Variants in CEL observed in about 807,000 individuals in gnomAD.
CEL encodes the protein carboxyl ester lipase.
A neutral mutation model predicts 57.1 loss-of-function variants in CEL; 39 were observed. The ratio of observed to expected loss-of-function variants is 0.68; its 90% CI spans 0.53 to 0.89. The LOEUF is 0.89. Ranked by LOEUF, CEL falls within the 40% of genes least tolerant of loss-of-function variation. The pLI is 0.00. For missense variants in CEL, 698 were observed against 915.0 expected, an observed-to-expected ratio of 0.76 and a Z score of 3.06; for synonymous variants, 314 against 396.6, an observed-to-expected ratio of 0.79 and a Z score of 2.48.
chr9:133,071,678 C>T lies in CEL; in HGVS notation c.2176C>T (p.Pro726Ser), dbSNP rs199602144. ...PTGDSGAPPV[P>S]PTGDSEAAPV... Reference sequence around the variant, plus strand: ...GGGTGACTCCGGGGCCCCCCCTGTGCCCCCCACGGGTGACTCTGAGGCTGC... The same window carrying T: ...GGGTGACTCCGGGGCCCCCCCTGTGTCCCCCACGGGTGACTCTGAGGCTGC... The change falls in exon 11 of 11, where the codon CCC becomes TCC. Residue 726 changes from proline to serine, a missense_variant. Around this residue, in one of 6 missense-constraint regions of CEL, gnomAD observed 238 missense variants for 213.7 expected, o/e 1.11. Transcript: ENST00000372080. The T allele has an allele frequency of 2.5e-6, 4 of 1,588,920 alleles. No individual in the cohort carries two copies. Among genetic ancestry groups the T allele is most frequent in the African/African-American group, 2.9e-5 (2 of 69,280 alleles).
Position 133,066,924 on chromosome 9 carries a change from C to A in CEL, c.756C>A (p.Asn252Lys). Residue 252 changes from asparagine (N) to lysine (K), a missense_variant, in exon 6 of 11, where the codon AAC becomes AAA. Physicochemically the swap from Asn to Lys is moderately conservative, Grantham distance 94. Around this residue, in one of 6 missense-constraint regions of CEL, gnomAD observed 327 missense variants for 374.1 expected, o/e 0.87. Coordinates refer to ENST00000372080, the MANE Select transcript of CEL (RefSeq NM_001807.6). The surrounding 1 kb of genome is among the most constrained non-coding windows in gnomAD (Gnocchi z 4.3). ...TGAGTCCCTGGGTCATCCAGAAAAACCCACTCTTCTGGGCCAAAAAGGTAA... is the reference window on the plus strand; with the variant it reads ...TGAGTCCCTGGGTCATCCAGAAAAAACCACTCTTCTGGGCCAAAAAGGTAA... Reference protein sequence around the residue: ...VALSPWVIQKNPLFWAKKVAE... With the variant: ...VALSPWVIQKKPLFWAKKVAE... The A allele has an allele frequency of 2.5e-6, 4 of 1,613,708 alleles. No homozygotes were observed. The highest frequency in any genetic ancestry group is 3.4e-6 in the Non-Finnish European group (4 of 1,179,892).
At chr9:133,064,835 C>A in intron 3 of CEL, 73 bp downstream of exon 3, 1 of 1,605,732 alleles carries the variant, frequency 6.2e-7, no homozygotes, top group South Asian at 1.1e-5. Context: ...TGGCTTGAGT[C>A]TGGGGGCTGC....
rs564127841 is a variant in CEL at position 133,066,215 on chromosome 9, C to T, written c.539-315C>T. Among the ~76,000 whole-genome samples, 134 of 152,152 alleles carry T rather than the reference C, an allele frequency of 8.8e-4. No homozygotes were observed. Among genetic ancestry groups the T allele is most frequent in the African/African-American group, 2.9e-3 (120 of 41,482 alleles). On this transcript the variant is annotated intron_variant, in intron 4 of 10. Transcript: ENST00000372080. This position sits in a 1 kb window ranked among gnomAD's most constrained non-coding sequence, Gnocchi z 4.3. The stretch of plus-strand genomic sequence containing the variant: ...TGCATGGGCCTGACCATCCTGCCCC[C>T]GACAAACACCACCCCCTCCAGCACC...
In CEL at chr9:133,070,876, G is replaced by T. The variant is rs527844447; in HGVS notation, c.1485-111G>T. On this transcript the variant is annotated intron_variant, in intron 10 of 10. Coordinates refer to ENST00000372080, the MANE Select transcript of CEL (RefSeq NM_001807.6). ...TGCCCAGTATGCAGTGAGGGGCATG[G>T]TGCCCAGGGCCAGCTCAGAGGGCGG... The T allele has an allele frequency of 4.1e-4, 557 of 1,363,442 alleles. 3 individuals carry two copies. Among genetic ancestry groups the T allele is most frequent in the South Asian group, 1.2e-3 (97 of 81,620 alleles). 84.5% of individuals were successfully genotyped at this position (1,363,442 alleles called of 1,614,324 possible).
chr9:133,071,177 C>T lies in CEL; in HGVS notation c.1675C>T (p.Pro559Ser), dbSNP rs768148036. The T allele has an allele frequency of 7.5e-6, 12 of 1,606,648 alleles. No homozygotes were observed. In the South Asian group the frequency reaches 1.2e-4, roughly 16 times the overall value. Residue 559 changes from proline (P) to serine (S), a missense_variant, in exon 11 of 11, where the codon CCT becomes TCT. Physicochemically the swap from Pro to Ser is moderately conservative, Grantham distance 74. Coordinates refer to ENST00000372080, the MANE Select transcript of CEL (RefSeq NM_001807.6). Reference protein sequence around the residue: ...LPTVTDQEATPVPPTGDSEAT... With the variant: ...LPTVTDQEATSVPPTGDSEAT... ...CACAGTGACCGACCAGGAGGCCACC[C>T]CTGTGCCCCCCACAGGGGACTCCGA...
intron 9 of CEL, among the ~76,000 whole-genome samples, chr9:133,069,821 A>G (rs11243990): frequency 0.29 from 43,733 of 151,712 alleles, 6,633 homozygotes; most frequent in Non-Finnish European, 0.32. Context: ...AAATACAAAA[A>G]TTATCCAGGC....
chr9:133,064,413 G>A lies in CEL; in HGVS notation c.76G>A (p.Val26Met), dbSNP rs748643667. The A allele has an allele frequency of 2.4e-5, 38 of 1,613,872 alleles. No homozygotes were observed. The highest frequency in any genetic ancestry group is 4.5e-5 in the East Asian group (2 of 44,890). The change falls in exon 2 of 11, where the codon GTG becomes ATG. Residue 26 changes from valine to methionine, a missense_variant. Val to Met is a conservative substitution (Grantham distance 21). Around this residue, in one of 6 missense-constraint regions of CEL, gnomAD observed 327 missense variants for 374.1 expected, o/e 0.87. Coordinates refer to ENST00000372080, the MANE Select transcript of CEL (RefSeq NM_001807.6). ...AVASAAKLGAVYTEGGFVEGV... is the reference protein window; with the variant it reads ...AVASAAKLGAMYTEGGFVEGV... ...CGTGTCTCCCTCGCAGCTGGGCGCC[G>A]TGTACACAGAAGGTGGGTTCGTGGA...
chr9:133,071,212 C>G lies in CEL; in HGVS notation c.1710C>G (p.Pro570=), dbSNP rs488087. ...CCACAGGGGACTCCGAGGCCACTCC[C>G]GTGCCCCCCACGGGTGACTCCGAGA... ...VPPTGDSEAT[P]VPPTGDSETA... is the part of the protein sequence containing the mutation. The change falls in exon 11 of 11, where the codon CCC becomes CCG. Residue 570 remains proline, a synonymous_variant. Coordinates refer to ENST00000372080, the MANE Select transcript of CEL (RefSeq NM_001807.6). 4 of 1,118,076 alleles carry G rather than the reference C, an allele frequency of 3.6e-6. No homozygotes were observed. The highest frequency in any genetic ancestry group is 2.7e-6 in the Non-Finnish European group (2 of 751,978). The allele number at this position is 1,118,076 out of a possible 1,614,324, so 69.3% of individuals were successfully genotyped here. A position where few individuals can be genotyped will look rare whatever the true frequency, so the allele number is the denominator to read the frequency against.
In CEL at chr9:133,071,482, G is replaced by T. The variant is rs1265721333; in HGVS notation, c.1980G>T (p.Pro660=). The change falls in exon 11 of 11, where the codon CCG becomes CCT. Residue 660 remains proline, a synonymous_variant. Transcript: ENST00000372080. The part of the protein sequence containing the change: ...PTGDSGAPPV[P]PTGDSGAPPV... ...GTGACTCCGGGGCCCCCCCCGTGCC[G>T]CCCACGGGTGACTCCGGCGCCCCCC... The T allele has an allele frequency of 2.6e-6, 1 of 388,852 alleles. No individual in the cohort carries two copies. The allele number at this position is 388,852 out of a possible 1,614,324, so 24.1% of individuals were successfully genotyped here. A position where few individuals can be genotyped will look rare whatever the true frequency, so the allele number is the denominator to read the frequency against.
rs761709433 is a variant in CEL, at chr9:133,071,625, A to T, written c.2123A>T (p.Asp708Val). 25 of 1,443,820 alleles carry T rather than the reference A, an allele frequency of 1.7e-5. 1 individual carries two copies. Among genetic ancestry groups the T allele is most frequent in the Middle Eastern group, 2.1e-4 (1 of 4,724 alleles). 89.4% of individuals were successfully genotyped at this position (1,443,820 alleles called of 1,614,324 possible). Residue 708 changes from aspartate (D) to valine (V), a missense_variant, in exon 11 of 11, where the codon GAC (aspartate) becomes GTC (valine). Transcript: ENST00000372080. ...SGAPPVTPTGDSETAPVPPTG... is the reference protein window; with the variant it reads ...SGAPPVTPTGVSETAPVPPTG... The stretch of plus-strand genomic sequence containing the variant: ...GCCCCCCCCGTGACCCCCACGGGTG[A>T]CTCCGAGACCGCCCCCGTGCCGCCC...
Position 133,067,239 on chromosome 9 carries a change from C to T in CEL, c.895+34C>T, listed in dbSNP as rs547648173. ...CTGCTCGGGTTGGCCCATGGGGTCT[C>T]GAGGTGGGGGTTGAGGGGGGTACTG... On this transcript the variant is annotated intron_variant, in intron 7 of 10. Coordinates refer to ENST00000372080, the MANE Select transcript of CEL (RefSeq NM_001807.6). 53 of 1,589,654 alleles carry T rather than the reference C, an allele frequency of 3.3e-5. No homozygotes were observed. The East Asian group carries it at 8.0e-4, about 24-fold the overall frequency.
At position 133,071,223 on chromosome 9, in the gene CEL, C is replaced by G; in HGVS notation, c.1721C>G (p.Thr574Arg). ...TCCGAGGCCACTCCCGTGCCCCCCA[C>G]GGGTGACTCCGAGACCGCCCCCGTG... ...GDSEATPVPPTGDSETAPVPP... is the reference protein window; with the variant it reads ...GDSEATPVPPRGDSETAPVPP... The change falls in exon 11 of 11, where the codon ACG becomes AGG. Residue 574 changes from threonine to arginine, a missense_variant. Physicochemically the swap from Thr to Arg is moderately conservative, Grantham distance 71. Transcript: ENST00000372080. 2 of 1,593,678 alleles carry G rather than the reference C, an allele frequency of 1.3e-6. No homozygotes were observed. The highest frequency in any genetic ancestry group is 2.3e-5 in the East Asian group (1 of 44,330).
intron 10 of CEL, 65 bp from the exon 11 acceptor site, chr9:133,070,922 T>G: frequency 6.3e-7 from 1 of 1,579,442 alleles, no homozygotes; most frequent in Non-Finnish European, 8.7e-7. Flanking sequence ...GGCGTGCAGG[T>G]GGAGAGCAGG....
At chr9:133,067,519 C>T (rs957476095) in intron 7 of CEL, among the ~76,000 whole-genome samples, 3 of 152,152 alleles carry the variant, frequency 2.0e-5, no homozygotes, top group African/African-American at 7.2e-5. Flanking sequence ...ACTACAGGCA[C>T]ATGCCACCAT....
At chr9:133,068,595 G>T (rs1830217278) in intron 7 of CEL, 77 bp from the exon 8 acceptor site, 1 of 1,603,956 alleles carries the variant, frequency 6.2e-7, no homozygotes, top group Non-Finnish European at 8.5e-7. Flanking sequence ...GCCAATTCCA[G>T]CCCTGAGAGG....
rs1222636528 is a variant in CEL, at chr9:133,066,424, C to T, written c.539-106C>T. ...TGCCAACTGGGGCTCTGCCATGGCC[C>T]CAACTCTGTTGAGGGCATTTCCACC... On this transcript the variant is annotated intron_variant, in intron 4 of 10. Coordinates refer to ENST00000372080, the MANE Select transcript of CEL (RefSeq NM_001807.6). The surrounding 1 kb of genome is among the most constrained non-coding windows in gnomAD (Gnocchi z 4.3). The T allele has an allele frequency of 2.7e-6, 4 of 1,466,844 alleles. No individual in the cohort carries two copies. The highest frequency in any genetic ancestry group is 2.8e-6 in the Non-Finnish European group (3 of 1,060,742). The allele number at this position is 1,466,844 out of a possible 1,614,324, so 90.9% of individuals were successfully genotyped here. A position where few individuals can be genotyped will look rare whatever the true frequency, so the allele number is the denominator to read the frequency against.
intron 2 of CEL, 29 bp downstream of exon 2, chr9:133,064,583 TGCGGCGGGGCGGGTGAGG>T (rs1480753649): frequency 6.2e-7 from 1 of 1,613,802 alleles, no homozygotes; most frequent in Non-Finnish European, 8.5e-7. Context: ...GGACTGGCCC[TGCGGCGGGGCGGGTGAGG>T]GCGGCTGCCT....
At chr9:133,067,013 C>G (rs1830189031) in intron 6 of CEL, 68 bp downstream of exon 6, 1 of 1,604,384 alleles carries the variant, frequency 6.2e-7, no homozygotes, top group Non-Finnish European at 8.5e-7. Flanking sequence ...ATCCTGGACC[C>G]CATCCTTGCC....
chr9:133,065,047 G>A lies in CEL; in HGVS notation c.348G>A (p.Arg116=). The A allele has an allele frequency of 6.2e-7, 1 of 1,613,352 alleles. No individual in the cohort carries two copies. Among genetic ancestry groups the A allele is most frequent in the African/African-American group, 1.3e-5 (1 of 75,054 alleles). The change falls in exon 4 of 11, where the codon CGG becomes CGA. Residue 116 remains arginine (R), a synonymous_variant. Coordinates refer to ENST00000372080, the MANE Select transcript of CEL (RefSeq NM_001807.6). ...GCCGCTCCCCCATCTCAGTCTCCCG[G>A]GACCTGCCCGTTATGATCTGGATCT... ...WVPQGRKQVS[R]DLPVMIWIYG...
Sources: allele counts gnomAD v4.1 joint callset (sites outside exome capture counted in the v4.1 genomes callset), GRCh38; gene constraint gnomAD v4.1.1; regional missense constraint gnomAD v4.1.1; non-coding constraint Gnocchi (gnomAD v3.1); transcripts MANE v1.5; gene names NCBI Gene and HGNC (gene_info 2026-07-23, HGNC 2026-07-21).